The following OR7E24 variants were observed in gnomAD, a reference collection of about 807,000 sequenced individuals.
The protein encoded by OR7E24 is olfactory receptor family 7 subfamily E member 24, also known as olfactory receptor 7E24.
For missense variants in OR7E24, 385 were observed against 410.3 expected, an observed-to-expected ratio of 0.94 and a Z score of 0.53; for synonymous variants, 130 against 157.5, an observed-to-expected ratio of 0.83 and a Z score of 1.31.
chr19:9,224,544 C>A, the OR7E24 span, among the ~76,000 whole-genome samples: 1 of 151,644 alleles, frequency 6.6e-6, no homozygotes, highest in Admixed American at 6.6e-5. Context: ...TCACTTGAGC[C>A]CAGGAGTTCA....
At chr19:9,239,600 C>G in the OR7E24 span, among the ~76,000 whole-genome samples, 2 of 151,762 alleles carry the variant, frequency 1.3e-5, no homozygotes, top group South Asian at 4.1e-4. Context: ...TGCATGCCTT[C>G]TTTCTAGTAA....
chr19:9,237,649 G>A, the OR7E24 span, among the ~76,000 whole-genome samples: 118 of 152,154 alleles, frequency 7.8e-4, no homozygotes, highest in South Asian at 2.5e-3. Flanking sequence ...AATTTCCTTC[G>A]TTCCTTTTTA....
chr19:9,239,338 A>G, the OR7E24 span, among the ~76,000 whole-genome samples: 1 of 151,322 alleles, frequency 6.6e-6, no homozygotes, highest in East Asian at 1.9e-4. Context: ...CCTGGCAAAT[A>G]TTTTTTGTAT....
At chr19:9,248,842 T>A (rs1273910192), upstream of OR7E24, among the ~76,000 whole-genome samples, 1 of 152,182 alleles carries the variant, frequency 6.6e-6, no homozygotes, top group African/African-American at 2.4e-5. Flanking sequence ...GCTTAAAACT[T>A]TCTGAGAGCT....
At position 9,251,043 on chromosome 19, in the gene OR7E24, T is replaced by G. The variant is rs558929573; in HGVS notation, c.-1T>G. On this transcript the variant is annotated 5_prime_UTR_variant, in exon 1 of 1. Coordinates refer to ENST00000456448, the MANE Select transcript of OR7E24 (RefSeq NM_001079935.2). ...ACACAGTGCTAGATGCTGGTTTACT[T>G]ATGTCCTATTTTCCAATTCTCTTTT... The G allele has an allele frequency of 6.4e-7, 1 of 1,562,886 alleles. No individual in the cohort carries two copies. Among genetic ancestry groups the G allele is most frequent in the African/African-American group, 1.4e-5 (1 of 73,494 alleles).
chr19:9,250,853 T>C (rs2066143298), upstream of OR7E24: 3 of 517,304 alleles, frequency 5.8e-6, no homozygotes, highest in South Asian at 3.0e-5. Context: ...CATTCTTCAA[T>C]AGACTGTCTC....
chr19:9,236,077 C>T, the OR7E24 span: 3 of 1,478,016 alleles, frequency 2.0e-6, no homozygotes, highest in South Asian at 3.4e-5. Flanking sequence ...AGCCTCTTGT[C>T]TCTTACGGTA....
chr19:9,210,117 C>T, the OR7E24 span: 1 of 152,206 alleles, frequency 6.6e-6, no homozygotes, highest in Non-Finnish European at 1.5e-5. Context: ...ATCCAATCTA[C>T]CTCTACATTC....
the OR7E24 span, among the ~76,000 whole-genome samples, chr19:9,226,354 C>T: frequency 6.6e-6 from 1 of 152,196 alleles, no homozygotes; most frequent in African/African-American, 2.4e-5. Context: ...CTGATGTGTC[C>T]ACCCTACTGC....
At chr19:9,239,707 C>CTTCTTTTTTTT in the OR7E24 span, among the ~76,000 whole-genome samples, 3 of 123,026 alleles carry the variant, frequency 2.4e-5, no homozygotes, top group African/African-American at 9.7e-5. Context: ...TTTTCTTTTT[C>CTTCTTTTTTTT]TTTTTTTTTT....
At chr19:9,250,913 A>G, upstream of OR7E24, 1 of 661,310 alleles carries the variant, frequency 1.5e-6, no homozygotes, top group Non-Finnish European at 2.6e-6. Flanking sequence ...TCAATTATGA[A>G]GTAACTCTAA....
At chr19:9,247,354 T>G (rs2066133288), upstream of OR7E24, 1 of 397,214 alleles carries the variant, frequency 2.5e-6, no homozygotes, top group Non-Finnish European at 4.4e-6. Flanking sequence ...GAGCTTCCAG[T>G]CCAGTGGGCT....
At chr19:9,228,682 G>C in the OR7E24 span, among the ~76,000 whole-genome samples, 1 of 152,120 alleles carries the variant, frequency 6.6e-6, no homozygotes. Context: ...CTTTCACCAG[G>C]ACAAAACCTA....
chr19:9,232,991 C>T, the OR7E24 span, among the ~76,000 whole-genome samples: 934 of 151,610 alleles, frequency 6.2e-3, 19 homozygotes, highest in East Asian at 0.044. Flanking sequence ...CACGCTCTGA[C>T]CCCCCTAACC....
At chr19:9,240,944 G>A in the OR7E24 span, among the ~76,000 whole-genome samples, 12 of 151,890 alleles carry the variant, frequency 7.9e-5, no homozygotes, top group African/African-American at 2.7e-4. Flanking sequence ...CAGCCTCCCA[G>A]GTAGCTGGGA....
At chr19:9,240,636 A>T in the OR7E24 span, among the ~76,000 whole-genome samples, 1 of 152,054 alleles carries the variant, frequency 6.6e-6, no homozygotes, top group Non-Finnish European at 1.5e-5. Context: ...GAACATTTTG[A>T]TAGAGAAAAG....
At chr19:9,220,859 C>T in the OR7E24 span, among the ~76,000 whole-genome samples, 213 of 152,294 alleles carry the variant, frequency 1.4e-3, 1 homozygote, top group Non-Finnish European at 2.2e-3. Context: ...TTCTTCATAT[C>T]CTGGCCAGCA....
chr19:9,220,437 G>A, the OR7E24 span, among the ~76,000 whole-genome samples: 1 of 152,190 alleles, frequency 6.6e-6, no homozygotes, highest in Non-Finnish European at 1.5e-5. Context: ...ACCTTCGTTA[G>A]ATTCCACATA....
the OR7E24 span, among the ~76,000 whole-genome samples, chr19:9,239,604 C>G: frequency 1.7e-4 from 26 of 151,784 alleles, no homozygotes; most frequent in Middle Eastern, 3.2e-3. Context: ...TGCCTTCTTT[C>G]TAGTAATGTC....
Sources: allele counts gnomAD v4.1 joint callset (sites outside exome capture counted in the v4.1 genomes callset), GRCh38; gene constraint gnomAD v4.1.1; transcripts MANE v1.5; gene names NCBI Gene and HGNC (gene_info 2026-07-23, HGNC 2026-07-21).